Variants in SF3A1 observed in about 807,000 individuals in gnomAD.
The protein encoded by SF3A1 is splicing factor 3a subunit 1.
In SF3A1, 13 loss-of-function variants were observed where a neutral mutation model predicts 89.9. The observed-to-expected ratio is 0.14, with a 90% CI of 0.09 to 0.23. The LOEUF (loss-of-function observed/expected upper bound fraction) is 0.23, where lower values mean the gene tolerates loss of function less well. SF3A1 is among the 10% of genes least tolerant of loss of function. The pLI, the probability that SF3A1 is intolerant of heterozygous loss-of-function variation, is 1.00. For missense variants in SF3A1, 604 were observed against 1,022.1 expected (o/e 0.59, Z 5.58); for synonymous variants, 405 against 374.4 (o/e 1.08, Z -0.94).
In SF3A1 at chr22:30,341,873, G is replaced by A; in HGVS notation, c.890C>T (p.Pro297Leu). Residue 297 changes from proline to leucine, a missense_variant, in exon 7 of 16, where the codon CCC becomes CTC. Transcript: ENST00000215793. ...FQPNEQGNFPPPTTPEELGAR... is the reference protein window; with the variant it reads ...FQPNEQGNFPLPTTPEELGAR... The stretch of plus-strand genomic sequence containing the variant: ...CCCCAGCTCCTCTGGCGTGGTGGGG[G>A]GAGGGAAGTTCCCTAGAGGGTGAGC... 1 of 1,612,700 alleles carries A rather than the reference G, an allele frequency of 6.2e-7. No individual in the cohort carries two copies. Among genetic ancestry groups the A allele is most frequent in the South Asian group, 1.1e-5 (1 of 91,076 alleles).
chr22:30,334,759 T>C (rs530400960), intron 15 of SF3A1, 64 bp from the exon 16 acceptor site: 5 of 1,137,684 alleles, frequency 4.4e-6, no homozygotes, highest in Non-Finnish European at 6.5e-6. Flanking sequence ...GCTGCAACCT[T>C]ACAACTGTGC....
chr22:30,350,459 G>A (rs190454600), intron 2 of SF3A1, among the ~76,000 whole-genome samples: 124 of 152,146 alleles, frequency 8.2e-4, no homozygotes, highest in African/African-American at 2.9e-3. Context: ...TCCTGCCTGC[G>A]TGTCAGAACG....
rs1930934275 is a variant in SF3A1 at position 30,332,032 on chromosome 22, A to G, written c.*2562T>C. 6.6e-6 allele frequency: 1 copy of G among 152,250 alleles called. No individual in the cohort carries two copies. Among genetic ancestry groups the G allele is most frequent in the Admixed American group, 6.5e-5 (1 of 15,286 alleles). The allele number at this position is 152,250 out of a possible 1,614,324, so 9.4% of individuals were successfully genotyped here. A position where few individuals can be genotyped will look rare whatever the true frequency, so the allele number is the denominator to read the frequency against. ...TTTTATTTTTAAAAAGTAAACTTCT[A>G]AAAATCTTATACACTGGTATGTGTA... On this transcript the variant is annotated 3_prime_UTR_variant, in exon 16 of 16. Coordinates refer to ENST00000215793, the MANE Select transcript of SF3A1 (RefSeq NM_005877.6).
intron 2 of SF3A1, among the ~76,000 whole-genome samples, chr22:30,349,643 C>A (rs1931524914): frequency 2.0e-5 from 3 of 149,996 alleles, no homozygotes; most frequent in African/African-American, 7.4e-5. Context: ...TAGGGATGTG[C>A]ATGGTTTTGG....
rs183526534 is a variant in SF3A1 at position 30,348,674 on chromosome 22, A to G, written c.186-2155T>C. On this transcript the variant is annotated intron_variant, in intron 2 of 15. Coordinates refer to ENST00000215793, the MANE Select transcript of SF3A1 (RefSeq NM_005877.6). The stretch of plus-strand genomic sequence containing the variant: ...TGAGGTCTCAATTTGACAGTATATT[A>G]GTCTAACTGGAACCTCATGCTTTGG... 2.9e-3 allele frequency among the ~76,000 whole-genome samples: 437 copies of G among 152,250 alleles called. 3 individuals carry two copies. Among genetic ancestry groups the G allele is most frequent in the African/African-American group, 9.4e-3 (392 of 41,522 alleles).
At chr22:30,352,766 G>T in intron 2 of SF3A1, 185 bp downstream of exon 2, 1 of 540,342 alleles carries the variant, frequency 1.9e-6, no homozygotes, top group Non-Finnish European at 3.2e-6. Context: ...TCTCACTTTG[G>T]CCACTGCTAT....
intron 15 of SF3A1, 74 bp from the exon 16 acceptor site, chr22:30,334,769 C>T: frequency 9.4e-7 from 1 of 1,067,198 alleles, no homozygotes; most frequent in Non-Finnish European, 1.4e-6. Context: ...TACAACTGTG[C>T]ACTTGGTCTG....
chr22:30,343,792 G>A (rs887547561), intron 4 of SF3A1, among the ~76,000 whole-genome samples: 1 of 152,234 alleles, frequency 6.6e-6, no homozygotes, highest in South Asian at 2.1e-4. Context: ...GGCCTTGAAT[G>A]ACTGTTATTT....
At chr22:30,348,197 C>A (rs1430087087) in intron 2 of SF3A1, among the ~76,000 whole-genome samples, 1 of 152,180 alleles carries the variant, frequency 6.6e-6, no homozygotes, top group African/African-American at 2.4e-5. Context: ...GGGGTTGTTC[C>A]ATAAACATTG....
chr22:30,350,415 A>G (rs5753088), intron 2 of SF3A1, among the ~76,000 whole-genome samples: 133,123 of 152,114 alleles, frequency 0.88, 58,616 homozygotes, highest in African/African-American at 0.97. Flanking sequence ...CCAGGAGTTC[A>G]AGGCTGCAGT....
chr22:30,344,958 GTGAAGTAGT>G lies in SF3A1; in HGVS notation c.617_625del (p.Asn206_Phe208del). Reference sequence around the variant, plus strand: ...CTTGGTGTACTGTTCCACTAGCTTCGTGAAGTAGTTGAAGAGGCTGTGCTGTGGGCGGAG... The same window carrying G: ...CTTGGTGTACTGTTCCACTAGCTTCGTGAAGAGGCTGTGCTGTGGGCGGAG... On this transcript the variant is annotated inframe_deletion, in exon 4 of 16. Transcript: ENST00000215793. The G allele has an allele frequency of 6.2e-7, 1 of 1,614,184 alleles. No homozygotes were observed. Among genetic ancestry groups the G allele is most frequent in the Non-Finnish European group, 8.5e-7 (1 of 1,180,044 alleles).
chr22:30,338,323 T>C (rs1931140200), intron 11 of SF3A1, among the ~76,000 whole-genome samples: 1 of 151,988 alleles, frequency 6.6e-6, no homozygotes, highest in Non-Finnish European at 1.5e-5. Context: ...CTGGGCATGG[T>C]GGCGCATCCC....
chr22:30,337,811 TG>T lies in SF3A1; in HGVS notation c.1829del (p.Pro610GlnfsTer4), dbSNP rs1569170193. Reference protein sequence around the residue: ...PPMASVVRLPPGSVIAPMPPI... With the variant: ...PPMASVVRLPXGSVIAPMPPI... ...GCGGCATGGGGGCGATCACTGAGCC[TG>T]GGGGCAGCCGGACCACAGATGCCAT... On this transcript the variant is annotated frameshift_variant, in exon 12 of 16. Transcript: ENST00000215793. LOFTEE classifies it high-confidence loss of function. The T allele has an allele frequency of 1.2e-6, 2 of 1,604,180 alleles. No individual in the cohort carries two copies. Among genetic ancestry groups the T allele is most frequent in the Admixed American group, 1.7e-5 (1 of 58,674 alleles).
At chr22:30,351,992 G>A (rs1931609754) in intron 2 of SF3A1, among the ~76,000 whole-genome samples, 2 of 152,220 alleles carry the variant, frequency 1.3e-5, no homozygotes, top group Non-Finnish European at 2.9e-5. Context: ...TAAGTACAGT[G>A]GGGAGAGACA....
In SF3A1 at chr22:30,334,538, G is replaced by C. The variant is rs1305665080; in HGVS notation, c.*56C>G. 4.4e-6 allele frequency: 5 copies of C among 1,135,464 alleles called. No individual in the cohort carries two copies. Among genetic ancestry groups the C allele is most frequent in the Non-Finnish European group, 6.3e-6 (5 of 795,878 alleles). The allele number at this position is 1,135,464 out of a possible 1,614,324, so 70.3% of individuals were successfully genotyped here. A position where few individuals can be genotyped will look rare whatever the true frequency, so the allele number is the denominator to read the frequency against. Reference sequence around the variant, plus strand: ...AGGGGGGCTCCTGGGTCTGGGGCAGGGGGTGGGAGACAGGAGAGGCAAAAT... The same window carrying C: ...AGGGGGGCTCCTGGGTCTGGGGCAGCGGGTGGGAGACAGGAGAGGCAAAAT... On this transcript the variant is annotated 3_prime_UTR_variant, in exon 16 of 16. Coordinates refer to ENST00000215793, the MANE Select transcript of SF3A1 (RefSeq NM_005877.6).
rs1277364662 is a variant in SF3A1 at position 30,332,048 on chromosome 22, G to C, written c.*2546C>G. On this transcript the variant is annotated 3_prime_UTR_variant, in exon 16 of 16. Coordinates refer to ENST00000215793, the MANE Select transcript of SF3A1 (RefSeq NM_005877.6). ...TAAACTTCTAAAAATCTTATACACT[G>C]GTATGTGTACCCATGAGTAGAGCTA... The C allele has an allele frequency of 6.6e-6, 1 of 152,014 alleles. No homozygotes were observed. Among genetic ancestry groups the C allele is most frequent in the Non-Finnish European group, 1.5e-5 (1 of 67,996 alleles). 9.4% of individuals were successfully genotyped at this position (152,014 alleles called of 1,614,324 possible).
chr22:30,335,829 C>G, intron 13 of SF3A1, 76 bp from the exon 14 acceptor site: 1 of 1,214,720 alleles, frequency 8.2e-7, no homozygotes, highest in Non-Finnish European at 1.2e-6. Flanking sequence ...ATCCCTAGGC[C>G]TGTCCAGACA....
chr22:30,341,612 G>C (rs1931256899), intron 7 of SF3A1, 80 bp downstream of exon 7: 4 of 1,050,210 alleles, frequency 3.8e-6, no homozygotes, highest in Non-Finnish European at 4.1e-6. Context: ...AGGGGAGCTG[G>C]ATCTGACTGG....
intron 2 of SF3A1, among the ~76,000 whole-genome samples, chr22:30,349,203 GCA>G (rs370003667): frequency 4.3e-3 from 648 of 152,364 alleles, no homozygotes; most frequent in Middle Eastern, 0.02. Context: ...GAGAAGTGAA[GCA>G]CAGAGTTCTG....
Sources: gnomAD v4.1 joint callset for allele counts (sites outside exome capture counted in the v4.1 genomes callset) on GRCh38, gnomAD v4.1.1 for gene constraint, MANE v1.5 for transcripts, NCBI Gene and HGNC (gene_info 2026-07-23, HGNC 2026-07-21) for gene names.